CTNNA3: variants seen among roughly 807,000 people sequenced by gnomAD.
CTNNA3 encodes the protein catenin alpha 3, also known as catenin alpha-3.
In CTNNA3, 76 loss-of-function variants were observed where a neutral mutation model predicts 95.7. That is an observed-to-expected ratio of 0.79 (90% CI 0.66 to 0.96). The LOEUF is 0.96. Ranked by LOEUF, CTNNA3 falls within the 40% of genes least tolerant of loss-of-function variation. The pLI, the probability that CTNNA3 is intolerant of heterozygous loss-of-function variation, is 0.00. For missense variants in CTNNA3, 1,191 were observed against 1,089.8 expected, an observed-to-expected ratio of 1.09 and a Z score of -1.31; for synonymous variants, 431 against 374.4, an observed-to-expected ratio of 1.15 and a Z score of -1.74.
intron 1 of CTNNA3, among the ~76,000 whole-genome samples, chr10:67,664,930 C>A (rs1335767742): frequency 6.6e-6 from 1 of 152,128 alleles, no homozygotes; most frequent in African/African-American, 2.4e-5. Flanking sequence ...AGGGAAAAAT[C>A]CATGCACAAT....
intron 16 of CTNNA3, among the ~76,000 whole-genome samples, chr10:65,985,956 GC>G (rs1438063728): frequency 6.6e-6 from 1 of 151,034 alleles, no homozygotes; most frequent in Non-Finnish European, 1.5e-5. Context: ...GGCTATAGTT[GC>G]CCTGTTTTGC....
intron 12 of CTNNA3, among the ~76,000 whole-genome samples, chr10:66,289,543 T>A (rs966294986): frequency 2.0e-5 from 3 of 151,776 alleles, no homozygotes; most frequent in African/African-American, 7.3e-5. Flanking sequence ...GATTGTAAAC[T>A]TTTTGGCTGT....
intron 9 of CTNNA3, among the ~76,000 whole-genome samples, chr10:66,731,507 C>T (rs1171112718): frequency 6.6e-6 from 1 of 152,054 alleles, no homozygotes; most frequent in East Asian, 1.9e-4. Context: ...ACGTAAGTCT[C>T]TCATTTCCAT....
chr10:67,256,723 G>C (rs1208266810), intron 5 of CTNNA3, among the ~76,000 whole-genome samples: 2 of 152,004 alleles, frequency 1.3e-5, no homozygotes, highest in East Asian at 3.9e-4. Flanking sequence ...AGGATAAACA[G>C]AACACAACAT....
At chr10:66,360,596 C>CTTCTTTCTTTTT in intron 12 of CTNNA3, among the ~76,000 whole-genome samples, 1 of 94,178 alleles carries the variant, frequency 1.1e-5, no homozygotes, top group South Asian at 3.3e-4. Context: ...GTATTCTTTC[C>CTTCTTTCTTTTT]TTCTTTCTTT....
At chr10:66,922,219 C>A (rs540842368) in intron 7 of CTNNA3, among the ~76,000 whole-genome samples, 1 of 152,140 alleles carries the variant, frequency 6.6e-6, no homozygotes, top group African/African-American at 2.4e-5. Flanking sequence ...AGGTAGTTTA[C>A]GGTTTGTTCT....
At chr10:66,720,772 G>A (rs1848603319) in intron 9 of CTNNA3, among the ~76,000 whole-genome samples, 2 of 152,106 alleles carry the variant, frequency 1.3e-5, no homozygotes, top group African/African-American at 4.8e-5. Context: ...GGCAGAGGTT[G>A]CAGTGAGCCG....
intron 7 of CTNNA3, among the ~76,000 whole-genome samples, chr10:67,051,758 ATT>A (rs10582679): frequency 0.026 from 3,718 of 145,014 alleles, 159 homozygotes; most frequent in African/African-American, 0.086. Flanking sequence ...CTATCCTACA[ATT>A]TTTTTTTTTT....
chr10:66,478,324 C>T (rs1839396555), intron 11 of CTNNA3, among the ~76,000 whole-genome samples: 1 of 151,876 alleles, frequency 6.6e-6, no homozygotes, highest in Non-Finnish European at 1.5e-5. Context: ...GGACACTAAA[C>T]ATTTGAATTG....
At chr10:67,532,325 C>T (rs1840353267) in intron 4 of CTNNA3, among the ~76,000 whole-genome samples, 3 of 152,130 alleles carry the variant, frequency 2.0e-5, no homozygotes, top group Admixed American at 6.6e-5. Flanking sequence ...TTTGTTGGTA[C>T]ACATCTGCCT....
chr10:66,003,621 T>C (rs777302655), intron 15 of CTNNA3, among the ~76,000 whole-genome samples: 72 of 152,310 alleles, frequency 4.7e-4, no homozygotes, highest in Non-Finnish European at 9.0e-4. Flanking sequence ...TTTTGTTATA[T>C]TGTGGGCAAA....
rs192404144 is a variant in CTNNA3 at position 66,810,252 on chromosome 10, C to T, written c.1048-34728G>A. ...AGAGGAGTGAAAGTTATAGTTCCAA[C>T]ATCTAAATATACCAATATAGTATGA... On this transcript the variant is annotated intron_variant, in intron 7 of 17. Coordinates refer to ENST00000433211, the MANE Select transcript of CTNNA3 (RefSeq NM_013266.4). Among the ~76,000 whole-genome samples the T allele has an allele frequency of 1.8e-3, 272 of 152,270 alleles. 2 individuals are homozygous for T. Among genetic ancestry groups the T allele is most frequent in the Non-Finnish European group, 2.0e-3 (138 of 68,012 alleles).
At chr10:66,809,521 T>C (rs1483210079) in intron 7 of CTNNA3, among the ~76,000 whole-genome samples, 1 of 152,176 alleles carries the variant, frequency 6.6e-6, no homozygotes, top group Non-Finnish European at 1.5e-5. Context: ...TTGAATTGTT[T>C]AGATTTACCA....
intron 7 of CTNNA3, among the ~76,000 whole-genome samples, chr10:66,871,432 G>C (rs1844397798): frequency 6.6e-6 from 1 of 151,728 alleles, no homozygotes; most frequent in Non-Finnish European, 1.5e-5. Context: ...CATGGTGGTG[G>C]GTGCCTGTAA....
intron 11 of CTNNA3, among the ~76,000 whole-genome samples, chr10:66,425,687 TAC>T (rs71035140): frequency 0.11 from 17,213 of 151,268 alleles, 1,445 homozygotes; most frequent in African/African-American, 0.24. Flanking sequence ...TATATATATA[TAC>T]ACACACACAC....
Position 66,927,914 on chromosome 10 carries a change from T to C in CTNNA3, c.1048-152390A>G, listed in dbSNP as rs1847161924. On this transcript the variant is annotated intron_variant, in intron 7 of 17. Transcript: ENST00000433211. The surrounding 1 kb of genome is among the most constrained non-coding windows in gnomAD (Gnocchi z 4.7). ...AACTGGCTGAAAAGTTTTAAAGGTC[T>C]AAGGGAGAATACAATTATCTGTGCC... 2 of 1,614,238 alleles carry C rather than the reference T, an allele frequency of 1.2e-6. No homozygotes were observed. The highest frequency in any genetic ancestry group is 1.7e-6 in the Non-Finnish European group (2 of 1,180,046).
At chr10:66,877,244 C>A (rs1844660473) in intron 7 of CTNNA3, among the ~76,000 whole-genome samples, 1 of 152,104 alleles carries the variant, frequency 6.6e-6, no homozygotes, top group Non-Finnish European at 1.5e-5. Context: ...AATTCCTAAC[C>A]AATAGATTGG....
Position 67,185,492 on chromosome 10 carries a change from A to T in CTNNA3, c.844-4972T>A, listed in dbSNP as rs182902334. Reference sequence around the variant, plus strand: ...TTTTCTGTCTTACATGGGCAAAAAAATTTTTAAAAACATGAAAGGAAATTA... The same window carrying T: ...TTTTCTGTCTTACATGGGCAAAAAATTTTTTAAAAACATGAAAGGAAATTA... On this transcript the variant is annotated intron_variant, in intron 6 of 17. Coordinates refer to ENST00000433211, the MANE Select transcript of CTNNA3 (RefSeq NM_013266.4). Among the ~76,000 whole-genome samples the T allele has an allele frequency of 5.2e-3, 791 of 152,204 alleles. 6 individuals carry two copies. The highest frequency in any genetic ancestry group is 0.018 in the African/African-American group (734 of 41,524).
chr10:66,876,369 G>A (rs984411077), intron 7 of CTNNA3, among the ~76,000 whole-genome samples: 5 of 151,978 alleles, frequency 3.3e-5, no homozygotes, highest in African/African-American at 1.2e-4. Flanking sequence ...TTGAAAGAAA[G>A]CCTTTGTATT....
Sources: allele counts gnomAD v4.1 joint callset (sites outside exome capture counted in the v4.1 genomes callset), GRCh38; gene constraint gnomAD v4.1.1; non-coding constraint Gnocchi (gnomAD v3.1); transcripts MANE v1.5; gene names NCBI Gene and HGNC (gene_info 2026-07-23, HGNC 2026-07-21).